The following ILDR2 variants were observed in gnomAD, a reference collection of about 807,000 sequenced individuals.
ILDR2 encodes the protein immunoglobulin-like domain-containing receptor 2.
Under a neutral mutation model 66.8 loss-of-function variants are expected in ILDR2, and 25 were observed. The ratio of observed to expected loss-of-function variants is 0.37; its 90% CI spans 0.27 to 0.52. The LOEUF (loss-of-function observed/expected upper bound fraction) is 0.52. Among genes scored for constraint, ILDR2 ranks in the 20% least tolerant of loss-of-function variants. ILDR2 has a pLI of 0.88. For synonymous variants in ILDR2, 367 were observed against 357.2 expected, an observed-to-expected ratio of 1.03 and a Z score of -0.31; for missense variants, 827 against 876.8, an observed-to-expected ratio of 0.94 and a Z score of 0.72.
intron 8 of ILDR2, among the ~76,000 whole-genome samples, chr1:166,922,181 G>A (rs1246545208): frequency 6.6e-6 from 1 of 152,084 alleles, no homozygotes; most frequent in Non-Finnish European, 1.5e-5. Context: ...ACTTTGGGAG[G>A]CCAAGGTGGG....
At chr1:166,938,321 A>G (rs959015876) in intron 4 of ILDR2, among the ~76,000 whole-genome samples, 10 of 152,246 alleles carry the variant, frequency 6.6e-5, no homozygotes, top group African/African-American at 2.4e-4. Context: ...GAGAAACAAA[A>G]GAATATTATC....
Position 166,921,325 on chromosome 1 carries a change from C to T in ILDR2, c.1266G>A (p.Val422=). The change falls in exon 9 of 10, where the codon GTG becomes GTA. Residue 422 remains valine, a synonymous_variant. Coordinates refer to ENST00000271417, the MANE Select transcript of ILDR2 (RefSeq NM_199351.3). This position sits in a 1 kb window ranked among gnomAD's most constrained non-coding sequence, Gnocchi z 5.3. ...CCAGCTCGTCCATGGAAACGGCCGG[C>T]ACCCCCGTGGCGAAGTTCTTCCGCG... The part of the protein sequence containing the change: ...MLSRKNFATG[V]PAVSMDELAA... 1.3e-6 allele frequency: 2 copies of T among 1,588,118 alleles called. No homozygotes were observed. Among genetic ancestry groups the T allele is most frequent in the Non-Finnish European group, 8.6e-7 (1 of 1,164,486 alleles).
intron 7 of ILDR2, among the ~76,000 whole-genome samples, chr1:166,923,417 A>G (rs1003807982): frequency 1.1e-4 from 17 of 152,042 alleles, no homozygotes; most frequent in Non-Finnish European, 1.5e-5. Context: ...GTATCCATAT[A>G]CCCCCTGACT....
At chr1:166,947,612 G>A (rs987553354) in intron 3 of ILDR2, among the ~76,000 whole-genome samples, 4 of 152,094 alleles carry the variant, frequency 2.6e-5, no homozygotes, top group East Asian at 1.9e-4. Context: ...TTCTTTCCAG[G>A]GGCTGAGCCA....
At chr1:166,966,543 G>A (rs1047803141) in intron 1 of ILDR2, among the ~76,000 whole-genome samples, 7 of 152,144 alleles carry the variant, frequency 4.6e-5, no homozygotes, top group African/African-American at 1.7e-4. Context: ...TCTGGTGTTT[G>A]TTTACACAAA....
chr1:166,942,751 A>T (rs145125564), intron 3 of ILDR2, among the ~76,000 whole-genome samples: 2 of 152,264 alleles, frequency 1.3e-5, no homozygotes, highest in Non-Finnish European at 2.9e-5. Flanking sequence ...CTAGTCACCT[A>T]TGTTCAAATT....
intron 6 of ILDR2, among the ~76,000 whole-genome samples, chr1:166,928,556 T>C (rs1660442307): frequency 6.6e-6 from 1 of 152,192 alleles, no homozygotes; most frequent in Non-Finnish European, 1.5e-5. Flanking sequence ...GTTCCCAAAG[T>C]GGGGCAAACA....
chr1:166,925,353 T>C (rs1660215592), intron 7 of ILDR2, among the ~76,000 whole-genome samples: 1 of 152,248 alleles, frequency 6.6e-6, no homozygotes, highest in Admixed American at 6.5e-5. Flanking sequence ...CTCTATGCAG[T>C]TGTTATAATA....
intron 3 of ILDR2, among the ~76,000 whole-genome samples, chr1:166,954,489 A>G (rs2101970544): frequency 6.6e-6 from 1 of 152,316 alleles, no homozygotes; most frequent in East Asian, 1.9e-4. Context: ...TGCCCTAAAA[A>G]GTTTCCATGA....
chr1:166,966,231 A>T (rs6427048), intron 1 of ILDR2, among the ~76,000 whole-genome samples: 65,329 of 152,022 alleles, frequency 0.43, 15,290 homozygotes, highest in African/African-American at 0.62. Flanking sequence ...AGCTTTGCCA[A>T]TGATTCTGTG....
intron 1 of ILDR2, among the ~76,000 whole-genome samples, chr1:166,960,534 T>C (rs1378765275): frequency 1.3e-5 from 2 of 152,214 alleles, no homozygotes; most frequent in Non-Finnish European, 2.9e-5. Context: ...ATTCTTTCAT[T>C]GGGCACCTTC....
intron 6 of ILDR2, among the ~76,000 whole-genome samples, chr1:166,934,156 A>G (rs1660803129): frequency 6.6e-6 from 1 of 152,144 alleles, no homozygotes; most frequent in Admixed American, 6.5e-5. Flanking sequence ...AAGAAGAGCT[A>G]TATTTTAATG....
chr1:166,955,582 G>T (rs546534817), intron 3 of ILDR2, among the ~76,000 whole-genome samples: 31 of 152,090 alleles, frequency 2.0e-4, no homozygotes, highest in Admixed American at 2.0e-3. Context: ...CATCCTGGGC[G>T]ACAGAGTGAG....
At chr1:166,939,050 A>G (rs1451196455) in intron 4 of ILDR2, among the ~76,000 whole-genome samples, 4 of 152,180 alleles carry the variant, frequency 2.6e-5, no homozygotes, top group Non-Finnish European at 4.4e-5. Context: ...TTTTCAAGGG[A>G]GGAGGGGTAC....
chr1:166,927,300 A>G, intron 6 of ILDR2, 120 bp from the exon 7 acceptor site: 1 of 658,756 alleles, frequency 1.5e-6, no homozygotes, highest in Non-Finnish European at 2.7e-6. Flanking sequence ...TTTTGAAATC[A>G]CCCAGAAATA....
At chr1:166,903,369 T>C (rs543194685), downstream of ILDR2, among the ~76,000 whole-genome samples, 29 of 152,238 alleles carry the variant, frequency 1.9e-4, no homozygotes, top group Non-Finnish European at 2.6e-4. Flanking sequence ...TGCTCCACCA[T>C]GCCTAAGGCT....
In ILDR2 at chr1:166,911,200, C is replaced by T. The variant is rs1659465244; in HGVS notation, c.*8155G>A. ...AGCCATTCTCTTATATTATCAAACTCTAAAGAATATGTAAAGTTAAAGCCT... is the reference window on the plus strand; with the variant it reads ...AGCCATTCTCTTATATTATCAAACTTTAAAGAATATGTAAAGTTAAAGCCT... On this transcript the variant is annotated 3_prime_UTR_variant, in exon 10 of 10. Transcript: ENST00000271417. 6.6e-6 allele frequency: 1 copy of T among 152,222 alleles called. No homozygotes were observed. Among genetic ancestry groups the T allele is most frequent in the African/African-American group, 2.4e-5 (1 of 41,456 alleles). 9.4% of individuals were successfully genotyped at this position (152,222 alleles called of 1,614,324 possible). A position where few individuals can be genotyped will look rare whatever the true frequency, so the allele number is the denominator to read the frequency against.
Position 166,944,876 on chromosome 1 carries a change from C to T in ILDR2, c.500-5306G>A, listed in dbSNP as rs545714794. Among the ~76,000 whole-genome samples the T allele has an allele frequency of 7.2e-5, 11 of 152,194 alleles. No homozygotes were observed. In the East Asian group the frequency reaches 1.4e-3, roughly 19 times the overall value. ...TGGCTGCAATGTGCCTTTACTTTTACGAGTGCCTCCACTACCAAGATGGAA... is the reference window on the plus strand; with the variant it reads ...TGGCTGCAATGTGCCTTTACTTTTATGAGTGCCTCCACTACCAAGATGGAA... On this transcript the variant is annotated intron_variant, in intron 3 of 9. Transcript: ENST00000271417.
Position 166,935,465 on chromosome 1 carries a change from C to T in ILDR2, c.716G>A (p.Gly239Glu). The change falls in exon 6 of 10, where the codon GGG becomes GAG. Residue 239 changes from glycine to glutamate, a missense_variant. Physicochemically the swap from Gly to Glu is moderately conservative, Grantham distance 98. Around this residue, in one of 2 missense-constraint regions of ILDR2, gnomAD observed 437 missense variants for 523.2 expected, o/e 0.84. Transcript: ENST00000271417. ...CCCPQALYEA[G>E]KAAKAGYPPS... ...AGGGTACCCGGCCTTTGCTGCTTTC[C>T]CTGCTTCATACACTGTGGAGGGAGA... 1 of 1,598,808 alleles carries T rather than the reference C, an allele frequency of 6.3e-7. No homozygotes were observed. The highest frequency in any genetic ancestry group is 1.3e-5 in the African/African-American group (1 of 74,652).
Sources: allele counts gnomAD v4.1 joint callset (sites outside exome capture counted in the v4.1 genomes callset), GRCh38; gene constraint gnomAD v4.1.1; regional missense constraint gnomAD v4.1.1; non-coding constraint Gnocchi (gnomAD v3.1); transcripts MANE v1.5; gene names NCBI Gene and HGNC (gene_info 2026-07-23, HGNC 2026-07-21).